Variants in MYO7B observed in about 807,000 individuals in gnomAD.
The protein encoded by MYO7B is myosin VIIB, also known as unconventional myosin-VIIb.
In MYO7B, 212 loss-of-function variants were observed where a neutral mutation model predicts 259.7. The ratio of observed to expected loss-of-function variants is 0.82; its 90% CI spans 0.73 to 0.91. The LOEUF (loss-of-function observed/expected upper bound fraction) is 0.91, where lower values mean the gene tolerates loss of function less well. MYO7B is among the 40% of genes least tolerant of loss of function. The pLI is 0.00. For missense variants in MYO7B, 2,732 were observed against 2,813.5 expected, an observed-to-expected ratio of 0.97 and a Z score of 0.66; for synonymous variants, 1,197 against 1,166.4, an observed-to-expected ratio of 1.03 and a Z score of -0.54.
rs775881478 is a variant in MYO7B, at chr2:127,627,109, G to T, written c.4333+17G>T. ...CACTCTCAGGTAATGGCATCTGACAGGGGGCAGGGAGCAGGTATGGGCTGG... is the reference window on the plus strand; with the variant it reads ...CACTCTCAGGTAATGGCATCTGACATGGGGCAGGGAGCAGGTATGGGCTGG... On this transcript the variant is annotated intron_variant, in intron 32 of 47. Coordinates refer to ENST00000409816, the MANE Select transcript of MYO7B (RefSeq NM_001393586.1). This position sits in a 1 kb window ranked among gnomAD's most constrained non-coding sequence, Gnocchi z 5.6. The T allele has an allele frequency of 6.2e-7, 1 of 1,607,670 alleles. No homozygotes were observed. Among genetic ancestry groups the T allele is most frequent in the Non-Finnish European group, 8.5e-7 (1 of 1,177,390 alleles).
intron 5 of MYO7B, among the ~76,000 whole-genome samples, chr2:127,567,502 G>A (rs1046796933): frequency 2.0e-5 from 3 of 152,178 alleles, no homozygotes; most frequent in Non-Finnish European, 4.4e-5. Context: ...GAACTTGGAG[G>A]GGAGGGTGTG....
At chr2:127,578,387 G>A (rs1678966046) in intron 9 of MYO7B, 101 bp downstream of exon 9, 6 of 1,420,854 alleles carry the variant, frequency 4.2e-6, no homozygotes, top group Non-Finnish European at 9.6e-7. Context: ...GGATCCTGTG[G>A]TCCAACCCAG....
Position 127,559,413 on chromosome 2 carries a change from T to C in MYO7B, c.-23-287T>C, listed in dbSNP as rs1052065709. Among the ~76,000 whole-genome samples, 6 of 152,176 alleles carry C rather than the reference T, an allele frequency of 3.9e-5. No individual in the cohort carries two copies. In the East Asian group the frequency reaches 9.6e-4, roughly 24 times the overall value. On this transcript the variant is annotated intron_variant, in intron 1 of 47. Transcript: ENST00000409816. This position sits in a 1 kb window ranked among gnomAD's most constrained non-coding sequence, Gnocchi z 4.1. ...TTCATGGATATCTGACCAGTTAAAA[T>C]TGGGGCTTCTGGATGACAGGGAACC...
Position 127,577,806 on chromosome 2 carries a change from T to C in MYO7B, c.850-327T>C, listed in dbSNP as rs12987692. ...ACAGGGCCTGGCCCATGGCGAGCCA[T>C]GGAAAGTGTTTCTTAAAGGAACAAA... On this transcript the variant is annotated intron_variant, in intron 8 of 47. Coordinates refer to ENST00000409816, the MANE Select transcript of MYO7B (RefSeq NM_001393586.1). This position sits in a 1 kb window ranked among gnomAD's most constrained non-coding sequence, Gnocchi z 5.2. Among the ~76,000 whole-genome samples, 35,076 of 152,098 alleles carry C rather than the reference T, an allele frequency of 0.23. 4,494 individuals carry two copies. The highest frequency in any genetic ancestry group is 0.53 in the South Asian group (2,570 of 4,824).
chr2:127,554,005 A>G (rs1341162449), intron 1 of MYO7B, among the ~76,000 whole-genome samples: 1 of 152,186 alleles, frequency 6.6e-6, no homozygotes. Flanking sequence ...TTCTGCATCT[A>G]TTGAGATGAT....
chr2:127,545,674 T>C (rs548953651), intron 1 of MYO7B, among the ~76,000 whole-genome samples: 1 of 152,336 alleles, frequency 6.6e-6, no homozygotes, highest in East Asian at 1.9e-4. Context: ...TCACCACTAA[T>C]GCCAAGGCTC....
intron 6 of MYO7B, among the ~76,000 whole-genome samples, chr2:127,572,526 CT>C (rs1239619156): frequency 1.4e-5 from 2 of 144,886 alleles, no homozygotes; most frequent in Non-Finnish European, 3.0e-5. Flanking sequence ...TCCTTCCTTC[CT>C]TTCTTTTTCT....
Position 127,596,557 on chromosome 2 carries a change from GT to G in MYO7B, c.2339+2del. The G allele has an allele frequency of 6.2e-7, 1 of 1,609,056 alleles. No homozygotes were observed. Among genetic ancestry groups the G allele is most frequent in the Non-Finnish European group, 8.5e-7 (1 of 1,177,976 alleles). ...AAGTCCTTCGGGGCTACAGATACAG[GT>G]GCCGGCCCCACCCCAAGGCCCACCC... On this transcript the variant is annotated splice_donor_variant, in intron 19 of 47. Transcript: ENST00000409816. LOFTEE classifies it high-confidence loss of function.
rs1162199621 is a variant in MYO7B at position 127,577,685 on chromosome 2, A to T, written c.850-448A>T. On this transcript the variant is annotated intron_variant, in intron 8 of 47. Coordinates refer to ENST00000409816, the MANE Select transcript of MYO7B (RefSeq NM_001393586.1). The surrounding 1 kb of genome is among the most constrained non-coding windows in gnomAD (Gnocchi z 5.2). ...AAGAAGCCTTTCTCCACCTCTCGAT[A>T]GGGCTGGCCCCGGCCCCTGTGGTCT... Among the ~76,000 whole-genome samples the T allele has an allele frequency of 3.9e-5, 6 of 152,150 alleles. No homozygotes were observed. The highest frequency in any genetic ancestry group is 1.2e-4 in the African/African-American group (5 of 41,440).
chr2:127,589,271 A>ATGGG (rs1679446756), intron 15 of MYO7B, among the ~76,000 whole-genome samples: 2 of 44,376 alleles, frequency 4.5e-5, no homozygotes, highest in Non-Finnish European at 8.2e-5. Context: ...GAGTGGATGG[A>ATGGG]TGGGTGGGTG....
chr2:127,631,627 C>T lies in MYO7B; in HGVS notation c.5123C>T (p.Pro1708Leu), dbSNP rs1348998041. ...ATCCTCCGGTACATGGGCGACTACC[C>T]TTCTCGGCAGGCCTGGCCCACCCTG... ...VAILRYMGDYPSRQAWPTLEL... is the reference protein window; with the variant it reads ...VAILRYMGDYLSRQAWPTLEL... Residue 1708 changes from proline (P) to leucine (L), a missense_variant, in exon 38 of 48, where the codon CCT (proline) becomes CTT (leucine). Around this residue, in one of 3 missense-constraint regions of MYO7B, gnomAD observed 821 missense variants for 769.3 expected, o/e 1.07. Coordinates refer to ENST00000409816, the MANE Select transcript of MYO7B (RefSeq NM_001393586.1). 6.2e-6 allele frequency: 10 copies of T among 1,613,068 alleles called. No homozygotes were observed. Among genetic ancestry groups the T allele is most frequent in the Non-Finnish European group, 8.5e-6 (10 of 1,179,852 alleles).
In MYO7B at chr2:127,624,158, C is replaced by T. The variant is rs900351075; in HGVS notation, c.3885C>T (p.Ala1295=). The part of the protein sequence containing the change: ...MDAIARCEQM[A]QERGESQRQS... ...CCATCGCCCGGTGTGAGCAGATGGCCCAGGAGAGGGGCGAGAGCCAGCGCC... is the reference window on the plus strand; with the variant it reads ...CCATCGCCCGGTGTGAGCAGATGGCTCAGGAGAGGGGCGAGAGCCAGCGCC... Residue 1295 remains alanine (A), a synonymous_variant, in exon 30 of 48, where the codon GCC becomes GCT. Coordinates refer to ENST00000409816, the MANE Select transcript of MYO7B (RefSeq NM_001393586.1). The T allele has an allele frequency of 8.8e-6, 14 of 1,596,390 alleles. No homozygotes were observed. The highest frequency in any genetic ancestry group is 1.2e-5 in the Non-Finnish European group (14 of 1,172,264).
chr2:127,607,879 G>A lies in MYO7B; in HGVS notation c.2643+455G>A, dbSNP rs1289002697. On this transcript the variant is annotated intron_variant, in intron 21 of 47. Coordinates refer to ENST00000409816, the MANE Select transcript of MYO7B (RefSeq NM_001393586.1). This position sits in a 1 kb window ranked among gnomAD's most constrained non-coding sequence, Gnocchi z 4.4. Reference sequence around the variant, plus strand: ...GGCAGGGATGGTTGGTCCCCTGGAAGGTGCAGCAAAGCTGAGCCAGACAAG... The same window carrying A: ...GGCAGGGATGGTTGGTCCCCTGGAAAGTGCAGCAAAGCTGAGCCAGACAAG... 6.6e-6 allele frequency among the ~76,000 whole-genome samples: 1 copy of A among 152,210 alleles called. No individual in the cohort carries two copies. Among genetic ancestry groups the A allele is most frequent in the Non-Finnish European group, 1.5e-5 (1 of 68,044 alleles).
rs568134802 is a variant in MYO7B, at chr2:127,632,469, G to A, written c.5405+68G>A. ...GCAGACCTGGGATGCTGTGGGGCCT[G>A]GCCAGCCTTCCAGGAGCTCATGGTC... On this transcript the variant is annotated intron_variant, in intron 39 of 47. Coordinates refer to ENST00000409816, the MANE Select transcript of MYO7B (RefSeq NM_001393586.1). The A allele has an allele frequency of 1.4e-4, 208 of 1,484,556 alleles. No individual in the cohort carries two copies. In the African/African-American group the frequency reaches 2.7e-3, roughly 19 times the overall value. 92.0% of individuals were successfully genotyped at this position (1,484,556 alleles called of 1,614,324 possible).
chr2:127,615,112 G>T lies in MYO7B; in HGVS notation c.3398+2509G>T, dbSNP rs1286127659. Among the ~76,000 whole-genome samples the T allele has an allele frequency of 6.6e-6, 1 of 152,058 alleles. No homozygotes were observed. The highest frequency in any genetic ancestry group is 2.4e-5 in the African/African-American group (1 of 41,392). On this transcript the variant is annotated intron_variant, in intron 26 of 47. Transcript: ENST00000409816. This position sits in a 1 kb window ranked among gnomAD's most constrained non-coding sequence, Gnocchi z 4.4. ...GAGGACCAGGAAATTCACAATGCCA[G>T]TGAATTTCCTGGTCCTAAGATGGAC...
Position 127,622,821 on chromosome 2 carries a change from G to A in MYO7B, c.3646-381G>A, listed in dbSNP as rs868718330. Reference sequence around the variant, plus strand: ...TACGTAAAGGCCCCAAAATGTTCCCGAGTCCTGGACTCAGATTCCCAAGAG... The same window carrying A: ...TACGTAAAGGCCCCAAAATGTTCCCAAGTCCTGGACTCAGATTCCCAAGAG... On this transcript the variant is annotated intron_variant, in intron 28 of 47. Coordinates refer to ENST00000409816, the MANE Select transcript of MYO7B (RefSeq NM_001393586.1). Among the ~76,000 whole-genome samples, 7 of 152,178 alleles carry A rather than the reference G, an allele frequency of 4.6e-5. No individual in the cohort carries two copies. The East Asian group carries it at 5.8e-4, about 13-fold the overall frequency.
Position 127,620,450 on chromosome 2 carries a change from C to T in MYO7B, c.3509C>T (p.Ser1170Leu), listed in dbSNP as rs751962530. The T allele has an allele frequency of 1.3e-6, 2 of 1,597,482 alleles. No homozygotes were observed. Among genetic ancestry groups the T allele is most frequent in the Non-Finnish European group, 1.7e-6 (2 of 1,168,692 alleles). ...CTCTGCCTCGGCTGCTTCCCACCCT[C>T]AGAGAGGTTCATGAAGGTGAGAGGG... ...LSLCLGCFPP[S>L]ERFMKYLLNF... is the part of the protein sequence containing the mutation. Residue 1170 changes from serine to leucine, a missense_variant, in exon 27 of 48, where the codon TCA (serine) becomes TTA (leucine). By Grantham distance (145) the Ser-to-Leu change is moderately radical (BLOSUM62 -2). Coordinates refer to ENST00000409816, the MANE Select transcript of MYO7B (RefSeq NM_001393586.1).
At position 127,577,800 on chromosome 2, in the gene MYO7B, G is replaced by A. The variant is rs922625917; in HGVS notation, c.850-333G>A. Among the ~76,000 whole-genome samples the A allele has an allele frequency of 2.0e-5, 3 of 152,196 alleles. No individual in the cohort carries two copies. Among genetic ancestry groups the A allele is most frequent in the East Asian group, 1.9e-4 (1 of 5,188 alleles). On this transcript the variant is annotated intron_variant, in intron 8 of 47. Coordinates refer to ENST00000409816, the MANE Select transcript of MYO7B (RefSeq NM_001393586.1). This position sits in a 1 kb window ranked among gnomAD's most constrained non-coding sequence, Gnocchi z 5.2. Reference sequence around the variant, plus strand: ...CGCAGCACAGGGCCTGGCCCATGGCGAGCCATGGAAAGTGTTTCTTAAAGG... The same window carrying A: ...CGCAGCACAGGGCCTGGCCCATGGCAAGCCATGGAAAGTGTTTCTTAAAGG...
rs376682788 is a variant in MYO7B at position 127,608,907 on chromosome 2, C to T, written c.2814+29C>T. 18 of 1,596,916 alleles carry T rather than the reference C, an allele frequency of 1.1e-5. No homozygotes were observed. In the African/African-American group the frequency reaches 2.4e-4, roughly 21 times the overall value. ...ACACAAGCCTGGTGTCCACAATCCG[C>T]CCCGGGTGGGGACAGGGAAGCCTGC... On this transcript the variant is annotated intron_variant, in intron 22 of 47. Coordinates refer to ENST00000409816, the MANE Select transcript of MYO7B (RefSeq NM_001393586.1).
Sources: allele counts gnomAD v4.1 joint callset (sites outside exome capture counted in the v4.1 genomes callset), GRCh38; gene constraint gnomAD v4.1.1; regional missense constraint gnomAD v4.1.1; non-coding constraint Gnocchi (gnomAD v3.1); transcripts MANE v1.5; gene names NCBI Gene and HGNC (gene_info 2026-07-23, HGNC 2026-07-21).